KMT2A: variants seen among roughly 807,000 people sequenced by gnomAD.
KMT2A encodes histone-lysine N-methyltransferase 2A.
KMT2A carries 16 observed loss-of-function variants against 345.3 expected under a neutral mutation model. That is an observed-to-expected ratio of 0.05 (90% CI 0.03 to 0.07). The LOEUF (loss-of-function observed/expected upper bound fraction) is 0.07. Among genes scored for constraint, KMT2A ranks in the 10% least tolerant of loss-of-function variants. The pLI, the probability that KMT2A is intolerant of heterozygous loss-of-function variation, is 1.00. For missense variants in KMT2A, 3,272 were observed against 4,841.6 expected, an observed-to-expected ratio of 0.68 and a Z score of 9.62; for synonymous variants, 1,599 against 1,778.6, an observed-to-expected ratio of 0.90 and a Z score of 2.54.
At chr11:118,466,422 G>A (rs946341532) in intron 1 of KMT2A, among the ~76,000 whole-genome samples, 21 of 152,176 alleles carry the variant, frequency 1.4e-4, no homozygotes, top group East Asian at 1.9e-4. Context: ...CTCTCAAGGC[G>A]CTGGGATTAC....
At chr11:118,457,731 C>A (rs1331032236) in intron 1 of KMT2A, among the ~76,000 whole-genome samples, 1 of 151,772 alleles carries the variant, frequency 6.6e-6, no homozygotes, top group Non-Finnish European at 1.5e-5. Flanking sequence ...TCCCCCACCC[C>A]CCACCAGCTT....
At chr11:118,465,649 C>T (rs1034168957) in intron 1 of KMT2A, among the ~76,000 whole-genome samples, 1 of 152,136 alleles carries the variant, frequency 6.6e-6, no homozygotes, top group Non-Finnish European at 1.5e-5. Context: ...TCCCCACATC[C>T]AGCACTCTCC....
intron 31 of KMT2A, among the ~76,000 whole-genome samples, chr11:118,518,791 A>AG: frequency 6.7e-6 from 1 of 148,566 alleles, no homozygotes; most frequent in Non-Finnish European, 1.5e-5. Flanking sequence ...CAAAAAAAAA[A>AG]AAAAAGCCGG....
chr11:118,509,835 C>A (rs1555049593), intron 29 of KMT2A, 113 bp from the exon 30 acceptor site: 2 of 735,372 alleles, frequency 2.7e-6, no homozygotes, highest in African/African-American at 1.8e-5. Context: ...GAATAATAAA[C>A]CAACTGTGGA....
chr11:118,444,581 G>C (rs1208456111), intron 1 of KMT2A, among the ~76,000 whole-genome samples: 5 of 151,988 alleles, frequency 3.3e-5, no homozygotes, highest in African/African-American at 9.7e-5. Context: ...TTTGTGTTTT[G>C]TTTGGTTTGT....
chr11:118,477,343 G>A (rs924714346), intron 4 of KMT2A, among the ~76,000 whole-genome samples: 9 of 152,046 alleles, frequency 5.9e-5, no homozygotes, highest in African/African-American at 1.9e-4. Context: ...CATTCTCATG[G>A]CTGTCATATA....
At chr11:118,485,725 C>T (rs975448512) in intron 10 of KMT2A, among the ~76,000 whole-genome samples, 1 of 152,096 alleles carries the variant, frequency 6.6e-6, no homozygotes, top group Non-Finnish European at 1.5e-5. Context: ...CAATATTGCT[C>T]ATAATAATAA....
Position 118,472,910 on chromosome 11 carries a change from G to C in KMT2A, c.1751G>C (p.Trp584Ser). 1 of 1,613,878 alleles carries C rather than the reference G, an allele frequency of 6.2e-7. No individual in the cohort carries two copies. Among genetic ancestry groups the C allele is most frequent in the Non-Finnish European group, 8.5e-7 (1 of 1,179,996 alleles). The change falls in exon 3 of 36, where the codon TGG (tryptophan) becomes TCG (serine). Residue 584 changes from tryptophan (W) to serine (S), a missense_variant. Physicochemically the swap from Trp to Ser is radical, Grantham distance 177 (BLOSUM62 -3). Coordinates refer to ENST00000534358, the MANE Select transcript of KMT2A (RefSeq NM_001197104.2). ...TCCAGTATCTCTGACCACACACCTT[G>C]GCTTATGCCTCCAACAATCCCCTTA... The part of the protein sequence containing the change: ...PASSISDHTP[W>S]LMPPTIPLAS...
At chr11:118,488,960 A>C (rs1262400660) in intron 11 of KMT2A, among the ~76,000 whole-genome samples, 200 bp downstream of exon 11, 3 of 152,176 alleles carry the variant, frequency 2.0e-5, no homozygotes, top group African/African-American at 7.2e-5. Context: ...TAGGTATGAT[A>C]AGTAATCTAG....
In KMT2A at chr11:118,491,113, T is replaced by G. The variant is rs1591265435; in HGVS notation, c.4697-83T>G. 1.4e-6 allele frequency: 2 copies of G among 1,381,890 alleles called. No homozygotes were observed. The highest frequency in any genetic ancestry group is 2.3e-5 in the East Asian group (1 of 42,750). 85.6% of individuals were successfully genotyped at this position (1,381,890 alleles called of 1,614,324 possible). Reference sequence around the variant, plus strand: ...ATCCCAGAAGAATATAGATTTAGATTGGGTTGGTAAATGCAAGTCGAGGGC... The same window carrying G: ...ATCCCAGAAGAATATAGATTTAGATGGGGTTGGTAAATGCAAGTCGAGGGC... On this transcript the variant is annotated intron_variant, in intron 13 of 35. Coordinates refer to ENST00000534358, the MANE Select transcript of KMT2A (RefSeq NM_001197104.2). This position sits in a 1 kb window ranked among gnomAD's most constrained non-coding sequence, Gnocchi z 4.2.
rs550216966 is a variant in KMT2A, at chr11:118,501,425, C to T, written c.6320-247C>T. On this transcript the variant is annotated intron_variant, in intron 25 of 35. Transcript: ENST00000534358. ...CAGATGTTGCAGTCAGCCAAGATCA[C>T]GCCACTGCCCTCCAGCCTGGGTGAC... 5.3e-5 allele frequency among the ~76,000 whole-genome samples: 8 copies of T among 151,746 alleles called. No homozygotes were observed. In the South Asian group the frequency reaches 6.3e-4, roughly 12 times the overall value.
chr11:118,444,128 T>C (rs185498653), intron 1 of KMT2A, among the ~76,000 whole-genome samples: 1 of 152,296 alleles, frequency 6.6e-6, no homozygotes, highest in Non-Finnish European at 1.5e-5. Context: ...TAGTTTTTTC[T>C]TTAGGCTGTC....
chr11:118,456,142 T>C (rs1949637921), intron 1 of KMT2A, among the ~76,000 whole-genome samples: 1 of 152,114 alleles, frequency 6.6e-6, no homozygotes, highest in East Asian at 1.9e-4. Context: ...GGCCTCTCCC[T>C]GTTACTGTTA....
intron 28 of KMT2A, 137 bp from the exon 29 acceptor site, chr11:118,508,999 C>A (rs77069905): frequency 1.4e-5 from 9 of 640,834 alleles, no homozygotes; most frequent in Non-Finnish European, 2.8e-6. Context: ...ATTCATTCAA[C>A]AAGTTCTACA....
In KMT2A at chr11:118,482,579, G is replaced by T. The variant is rs1950153704; in HGVS notation, c.4086+84G>T. The T allele has an allele frequency of 5.3e-6, 5 of 948,666 alleles. No homozygotes were observed. In the East Asian group the frequency reaches 7.5e-5, roughly 14 times the overall value. 58.8% of individuals were successfully genotyped at this position (948,666 alleles called of 1,614,324 possible). On this transcript the variant is annotated intron_variant, in intron 8 of 35. Transcript: ENST00000534358. ...AAGCCTTATCCTTGACTTCTATGTA[G>T]ATGGCAGTGGAATTTCTTAAAATTA...
intron 1 of KMT2A, among the ~76,000 whole-genome samples, chr11:118,454,129 G>A (rs1181065679): frequency 2.0e-5 from 3 of 152,058 alleles, no homozygotes; most frequent in African/African-American, 7.2e-5. Flanking sequence ...AGTTGCTTAT[G>A]TTATTACCTC....
chr11:118,526,616 T>G lies in KMT2A; in HGVS notation c.*4444T>G. The G allele has an allele frequency of 4.3e-6, 1 of 230,874 alleles. No individual in the cohort carries two copies. Among genetic ancestry groups the G allele is most frequent in the East Asian group, 6.2e-5 (1 of 16,204 alleles). The allele number at this position is 230,874 out of a possible 1,614,324, so 14.3% of individuals were successfully genotyped here. On this transcript the variant is annotated 3_prime_UTR_variant, in exon 36 of 36. Transcript: ENST00000534358. ...AAAAAAAAGGAAAATGTGTCTAAAG[T>G]CCATCAGTGTTAACTCCCTGTGACA...
At position 118,477,073 on chromosome 11, in the gene KMT2A, A is replaced by G. The variant is rs145665304; in HGVS notation, c.3334+91A>G. On this transcript the variant is annotated intron_variant, in intron 4 of 35. Transcript: ENST00000534358. ...GATGCCCAGTAGGCTCTTCATAGTT[A>G]GTAGGTCCTCTGAAAAACAGATGGC... The G allele has an allele frequency of 5.1e-4, 621 of 1,223,638 alleles. 1 individual carries two copies. The African/African-American group carries it at 8.6e-3, about 17-fold the overall frequency. The allele number at this position is 1,223,638 out of a possible 1,614,324, so 75.8% of individuals were successfully genotyped here. A position where few individuals can be genotyped will look rare whatever the true frequency, so the allele number is the denominator to read the frequency against.
chr11:118,452,302 A>AG (rs1167904733), intron 1 of KMT2A, among the ~76,000 whole-genome samples: 11 of 152,200 alleles, frequency 7.2e-5, no homozygotes, highest in Non-Finnish European at 1.6e-4. Context: ...TTGGGAGGCC[A>AG]AAGAGGAAGG....
Sources: gnomAD v4.1 joint callset for allele counts (sites outside exome capture counted in the v4.1 genomes callset) on GRCh38, gnomAD v4.1.1 for gene constraint, Gnocchi (gnomAD v3.1) non-coding constraint, MANE v1.5 for transcripts, NCBI Gene and HGNC (gene_info 2026-07-23, HGNC 2026-07-21) for gene names.